LRP1B: variants seen among roughly 807,000 people sequenced by gnomAD.
LRP1B encodes LDL receptor related protein 1B.
In LRP1B, 217 loss-of-function variants were observed where a neutral mutation model predicts 556.6. The ratio of observed to expected loss-of-function variants is 0.39; its 90% CI spans 0.35 to 0.44. The LOEUF (loss-of-function observed/expected upper bound fraction) is 0.44, where lower values mean the gene tolerates loss of function less well. Among genes scored for constraint, LRP1B ranks in the 20% least tolerant of loss-of-function variants. The probability of loss-of-function intolerance (pLI) is 1.00; values close to 1 mark genes in which losing one functional copy is unlikely to be tolerated. For missense variants in LRP1B, 5,053 were observed against 5,620.8 expected, an observed-to-expected ratio of 0.90 and a Z score of 3.23; for synonymous variants, 2,047 against 1,865.8, an observed-to-expected ratio of 1.10 and a Z score of -2.50.
intron 3 of LRP1B, among the ~76,000 whole-genome samples, chr2:141,409,369 TG>T (rs966418000): frequency 1.3e-5 from 2 of 152,142 alleles, no homozygotes; most frequent in African/African-American, 4.8e-5. Context: ...GCTTTCTATT[TG>T]TTCATTAGCA....
In LRP1B at chr2:140,903,022, G is replaced by A. The variant is rs773545701; in HGVS notation, c.3664C>T (p.Leu1222=). The A allele has an allele frequency of 5.0e-6, 8 of 1,613,644 alleles. No individual in the cohort carries two copies. Among genetic ancestry groups the A allele is most frequent in the South Asian group, 2.2e-5 (2 of 91,086 alleles). Residue 1222 remains leucine (L), a synonymous_variant, in exon 23 of 91, where the codon CTA becomes TTA. Coordinates refer to ENST00000389484, the MANE Select transcript of LRP1B (RefSeq NM_018557.3). ...TGCTCACATACTTGGCTGCACTTTA[G>A]ATGATTGCTACAATAATCCACAATT... ...CEIVDYCSNH[L]KCSQVCEQHK...
At chr2:141,727,821 A>G (rs1297256093) in intron 2 of LRP1B, among the ~76,000 whole-genome samples, 5 of 152,076 alleles carry the variant, frequency 3.3e-5, no homozygotes, top group Non-Finnish European at 7.4e-5. Flanking sequence ...CTCTATATAT[A>G]TATACACACA....
intron 66 of LRP1B, among the ~76,000 whole-genome samples, chr2:140,394,004 T>A (rs1464459222): frequency 6.6e-6 from 1 of 152,184 alleles, no homozygotes; most frequent in Non-Finnish European, 1.5e-5. Context: ...CTATACATGC[T>A]GTTTTGCAAA....
rs746499219 is a variant in LRP1B at position 140,867,581 on chromosome 2, A to G, written c.4579+9T>C. ...TGGGTGGTTAATCCATAAGTGAACA[A>G]GCACTTACCCTGTGGCTGGCGACTG... On this transcript the variant is annotated intron_variant, in intron 27 of 90. Transcript: ENST00000389484. 6.2e-7 allele frequency: 1 copy of G among 1,608,750 alleles called. No homozygotes were observed. Among genetic ancestry groups the G allele is most frequent in the Non-Finnish European group, 8.5e-7 (1 of 1,177,086 alleles).
intron 47 of LRP1B, among the ~76,000 whole-genome samples, chr2:140,533,018 C>T (rs893593988): frequency 1.2e-4 from 14 of 115,606 alleles, no homozygotes; most frequent in Admixed American, 1.8e-4. Flanking sequence ...AGTACAGGCA[C>T]GTGTCTCATG....
chr2:140,358,145 G>T (rs561504590), intron 73 of LRP1B, 29 bp from the exon 74 acceptor site: 3 of 1,599,068 alleles, frequency 1.9e-6, no homozygotes, highest in Non-Finnish European at 2.6e-6. Context: ...AATGATTAGT[G>T]CTTCACAGAA....
intron 18 of LRP1B, among the ~76,000 whole-genome samples, chr2:140,978,765 G>C (rs1344802246): frequency 6.6e-6 from 1 of 152,140 alleles, no homozygotes; most frequent in African/African-American, 2.4e-5. Flanking sequence ...AGGTAAATGT[G>C]TGTTACTGAA....
chr2:140,517,368 G>T (rs1237482884), intron 49 of LRP1B, among the ~76,000 whole-genome samples: 1 of 152,046 alleles, frequency 6.6e-6, no homozygotes, highest in Non-Finnish European at 1.5e-5. Flanking sequence ...TAAGGCCAAA[G>T]AATAATATTT....
chr2:141,155,098 G>A (rs1702032272), intron 7 of LRP1B, among the ~76,000 whole-genome samples: 3 of 151,888 alleles, frequency 2.0e-5, no homozygotes, highest in African/African-American at 2.4e-5. Context: ...CAGATTCTTA[G>A]ACATACAGGA....
At chr2:141,851,430 T>G (rs1269391873) in intron 1 of LRP1B, among the ~76,000 whole-genome samples, 1 of 151,868 alleles carries the variant, frequency 6.6e-6, no homozygotes, top group Non-Finnish European at 1.5e-5. Context: ...TGAAATATAC[T>G]GTACTCAGGA....
intron 3 of LRP1B, among the ~76,000 whole-genome samples, chr2:141,314,147 C>A (rs1445524030): frequency 6.6e-6 from 1 of 152,016 alleles, no homozygotes; most frequent in Non-Finnish European, 1.5e-5. Flanking sequence ...ATCGACATTC[C>A]AAATAAAAAT....
chr2:141,988,448 A>G (rs1234043530), intron 1 of LRP1B, among the ~76,000 whole-genome samples: 1 of 152,002 alleles, frequency 6.6e-6, no homozygotes, highest in Non-Finnish European at 1.5e-5. Flanking sequence ...ATTTATATTT[A>G]TGAGTAACAT....
chr2:140,397,369 C>T (rs185199353), intron 66 of LRP1B, among the ~76,000 whole-genome samples: 1 of 152,240 alleles, frequency 6.6e-6, no homozygotes, highest in Admixed American at 6.5e-5. Flanking sequence ...TCCCAACAGG[C>T]TCCAGTGTGT....
At chr2:141,771,159 C>A (rs1221734263) in intron 2 of LRP1B, among the ~76,000 whole-genome samples, 1 of 152,080 alleles carries the variant, frequency 6.6e-6, no homozygotes, top group Non-Finnish European at 1.5e-5. Context: ...GTGTTATTGA[C>A]TGATCAGGAA....
chr2:140,302,252 A>G (rs1683865404), intron 83 of LRP1B, among the ~76,000 whole-genome samples: 1 of 152,076 alleles, frequency 6.6e-6, no homozygotes, highest in Non-Finnish European at 1.5e-5. Flanking sequence ...CCTCTGTCCC[A>G]ATTTTCTGAT....
chr2:141,386,378 T>C (rs1263554922), intron 3 of LRP1B, among the ~76,000 whole-genome samples: 1 of 152,118 alleles, frequency 6.6e-6, no homozygotes, highest in African/African-American at 2.4e-5. Flanking sequence ...AAAATTACTT[T>C]AAATGAAATG....
At chr2:141,430,628 T>A (rs921616686) in intron 3 of LRP1B, among the ~76,000 whole-genome samples, 7 of 149,352 alleles carry the variant, frequency 4.7e-5, no homozygotes, top group African/African-American at 1.7e-4. Context: ...TATTTTTTTT[T>A]AATGATCTAC....
intron 35 of LRP1B, among the ~76,000 whole-genome samples, chr2:140,744,089 T>G (rs1688238949): frequency 1.3e-5 from 2 of 149,408 alleles, no homozygotes; most frequent in South Asian, 4.3e-4. Context: ...CCCGCGGTTA[T>G]AAGATAAACA....
At chr2:141,785,420 T>A (rs891739961) in intron 2 of LRP1B, among the ~76,000 whole-genome samples, 1 of 151,906 alleles carries the variant, frequency 6.6e-6, no homozygotes, top group African/African-American at 2.4e-5. Context: ...AAGCCGAACT[T>A]AACATACAGT....
Sources: gnomAD v4.1 joint callset for allele counts (sites outside exome capture counted in the v4.1 genomes callset) on GRCh38, gnomAD v4.1.1 for gene constraint, MANE v1.5 for transcripts, NCBI Gene and HGNC (gene_info 2026-07-23, HGNC 2026-07-21) for gene names.